The following NR3C1 variants were observed in gnomAD, a reference collection of about 807,000 sequenced individuals.
The protein encoded by NR3C1 is glucocorticoid receptor.
NR3C1 carries 14 observed loss-of-function variants against 74.0 expected under a neutral mutation model. The ratio of observed to expected loss-of-function variants is 0.19; its 90% CI spans 0.12 to 0.30. The LOEUF is 0.30. Among genes scored for constraint, NR3C1 ranks in the 10% least tolerant of loss-of-function variants. The pLI is 1.00. For synonymous variants in NR3C1, 308 were observed against 332.5 expected (o/e 0.93, Z 0.80); for missense variants, 695 against 909.8 (o/e 0.76, Z 3.04).
At chr5:143,428,516 A>G (rs931415374) in intron 1 of NR3C1, among the ~76,000 whole-genome samples, 2 of 152,166 alleles carry the variant, frequency 1.3e-5, no homozygotes, top group Non-Finnish European at 2.9e-5. Context: ...CACGTTCTAC[A>G]ATTCTCTCTT....
At chr5:143,393,131 G>A (rs1295372873) in intron 2 of NR3C1, among the ~76,000 whole-genome samples, 2 of 152,032 alleles carry the variant, frequency 1.3e-5, no homozygotes, top group Non-Finnish European at 2.9e-5. Context: ...CCCACCTCTC[G>A]GGTGCTAACA....
intron 2 of NR3C1, among the ~76,000 whole-genome samples, chr5:143,315,696 A>G (rs1484382072): frequency 1.3e-5 from 2 of 152,192 alleles, no homozygotes; most frequent in African/African-American, 4.8e-5. Flanking sequence ...ATTTTTTTCT[A>G]GTTATCAATC....
chr5:143,366,560 A>G (rs1833241788), intron 2 of NR3C1, among the ~76,000 whole-genome samples: 1 of 151,954 alleles, frequency 6.6e-6, no homozygotes, highest in Non-Finnish European at 1.5e-5. Flanking sequence ...ACTTTACTTT[A>G]GCTAGACTGA....
At chr5:143,401,310 T>G (rs1271975716) in intron 1 of NR3C1, 1 of 198,428 alleles carries the variant, frequency 5.0e-6, no homozygotes, top group African/African-American at 2.4e-5. Flanking sequence ...ATATAACATT[T>G]GATAAATACT....
In NR3C1 at chr5:143,281,703, A is replaced by G. The variant is rs1390506064; in HGVS notation, c.*186T>C. 3.4e-6 allele frequency: 2 copies of G among 590,304 alleles called. No homozygotes were observed. Among genetic ancestry groups the G allele is most frequent in the East Asian group, 2.9e-5 (1 of 34,110 alleles). The allele number at this position is 590,304 out of a possible 1,614,324, so 36.6% of individuals were successfully genotyped here. ...CTCCCATCACTGAAAAGTGATGACG[A>G]CTCAACTGCTTCTGTTGCCAAGTCT... On this transcript the variant is annotated 3_prime_UTR_variant, in exon 9 of 9. Transcript: ENST00000394464.
intron 2 of NR3C1, among the ~76,000 whole-genome samples, chr5:143,351,157 A>G (rs960062980): frequency 1.3e-5 from 2 of 152,150 alleles, no homozygotes; most frequent in Non-Finnish European, 2.9e-5. Context: ...TCTCTTCGAG[A>G]ACTGTCTCCC....
At chr5:143,380,248 A>G (rs1365818850) in intron 2 of NR3C1, among the ~76,000 whole-genome samples, 1 of 152,244 alleles carries the variant, frequency 6.6e-6, no homozygotes, top group Non-Finnish European at 1.5e-5. Context: ...AGACTGAAAA[A>G]TAAGACCTGA....
intron 2 of NR3C1, among the ~76,000 whole-genome samples, chr5:143,328,864 T>C (rs1825249225): frequency 1.3e-5 from 2 of 152,224 alleles, no homozygotes. Flanking sequence ...TCCACGTCAC[T>C]ATCAGCATTT....
At chr5:143,403,113 G>C (rs1322666743) in intron 1 of NR3C1, 98 bp downstream of exon 1, 2 of 589,120 alleles carry the variant, frequency 3.4e-6, no homozygotes, top group Non-Finnish European at 4.1e-6. Context: ...GCTAATAAAA[G>C]TTTGTAGGCT....
chr5:143,404,369 T>C (rs865862513), upstream of NR3C1: 211 of 984,580 alleles, frequency 2.1e-4, no homozygotes, highest in South Asian at 4.3e-4. Flanking sequence ...GGTCGGCGCA[T>C]ACGTACTTTG....
chr5:143,306,068 A>T (rs892750007), intron 4 of NR3C1, among the ~76,000 whole-genome samples: 2 of 152,236 alleles, frequency 1.3e-5, no homozygotes, highest in African/African-American at 2.4e-5. Context: ...AGTGAATAAA[A>T]ACATTTAGTT....
intron 1 of NR3C1, among the ~76,000 whole-genome samples, chr5:143,422,831 T>C (rs958666440): frequency 2.0e-5 from 3 of 152,206 alleles, no homozygotes; most frequent in African/African-American, 7.2e-5. Context: ...TCTCATAAGG[T>C]TGTAAGAATA....
rs974911867 is a variant in NR3C1 at position 143,280,630 on chromosome 5, A to G, written c.*1259T>C. On this transcript the variant is annotated 3_prime_UTR_variant, in exon 9 of 9. Coordinates refer to ENST00000394464, the MANE Select transcript of NR3C1 (RefSeq NM_000176.3). ...ATTAGGGATGTGTAGTTTTACAAAC[A>G]TGGATGTCTGACATACAGTTCTAAA... 1 of 152,610 alleles carries G rather than the reference A, an allele frequency of 6.6e-6. No homozygotes were observed. The highest frequency in any genetic ancestry group is 2.4e-5 in the African/African-American group (1 of 41,456). The allele number at this position is 152,610 out of a possible 1,614,324, so 9.5% of individuals were successfully genotyped here. A position where few individuals can be genotyped will look rare whatever the true frequency, so the allele number is the denominator to read the frequency against.
upstream of NR3C1, among the ~76,000 whole-genome samples, chr5:143,407,934 T>G (rs1457927582): frequency 6.6e-6 from 1 of 152,252 alleles, no homozygotes; most frequent in Non-Finnish European, 1.5e-5. Context: ...CCTACCCCTT[T>G]GTAGAAAGTG....
upstream of NR3C1, among the ~76,000 whole-genome samples, chr5:143,406,560 AGAGT>A (rs1231550934): frequency 1.6e-4 from 25 of 152,312 alleles, no homozygotes; most frequent in African/African-American, 5.8e-4. Context: ...CCTCTTTTTC[AGAGT>A]AATACAAATA....
intron 2 of NR3C1, among the ~76,000 whole-genome samples, chr5:143,327,113 C>T (rs759193538): frequency 1.6e-4 from 24 of 152,196 alleles, no homozygotes; most frequent in Non-Finnish European, 2.5e-4. Context: ...GTAATTTATA[C>T]GGAAAGGAGG....
upstream of NR3C1, chr5:143,404,370 A>G: frequency 1.0e-6 from 1 of 984,498 alleles, no homozygotes; most frequent in Non-Finnish European, 1.2e-6. Context: ...GTCGGCGCAT[A>G]CGTACTTTGG....
rs1230909868 is a variant in NR3C1 at position 143,300,476 on chromosome 5, G to A, written c.1747+9C>T. ...TTATATAGTTGCTCTTTTATGTTTT[G>A]CATCTTACCTGGTATTGCCTTTGCC... On this transcript the variant is annotated intron_variant, in intron 5 of 8. Transcript: ENST00000394464. This position sits in a 1 kb window ranked among gnomAD's most constrained non-coding sequence, Gnocchi z 5.2. The A allele has an allele frequency of 6.2e-7, 1 of 1,614,082 alleles. No homozygotes were observed.
chr5:143,293,880 T>A (rs1171271235), intron 7 of NR3C1: 8 of 969,138 alleles, frequency 8.3e-6, no homozygotes, highest in Non-Finnish European at 9.8e-6. Flanking sequence ...TTTTTTTTTT[T>A]AAACAAGTAA....
Sources: allele counts gnomAD v4.1 joint callset (sites outside exome capture counted in the v4.1 genomes callset), GRCh38; gene constraint gnomAD v4.1.1; non-coding constraint Gnocchi (gnomAD v3.1); transcripts MANE v1.5; gene names NCBI Gene and HGNC (gene_info 2026-07-23, HGNC 2026-07-21).